The following VNN2 variants were observed in gnomAD, a reference collection of about 807,000 sequenced individuals.
The protein encoded by VNN2 is vanin 2.
In VNN2, 43 loss-of-function variants were observed where a neutral mutation model predicts 43.0. The observed-to-expected ratio is 1.00, with a 90% CI of 0.78 to 1.29. VNN2 has a LOEUF of 1.29. VNN2 is among the 50% of genes most tolerant of loss of function. The pLI, the probability that VNN2 is intolerant of heterozygous loss-of-function variation, is 0.00. For synonymous variants in VNN2, 230 were observed against 224.3 expected (o/e 1.03, Z -0.23); for missense variants, 652 against 619.7 (o/e 1.05, Z -0.55).
At chr6:132,758,019 TTCTTCTTCTTCTTCTTCTTC>T (rs1472853283), upstream of VNN2, 1,650 of 227,244 alleles carry the variant, frequency 7.3e-3, 145 homozygotes, top group East Asian at 0.012. Context: ...CTTCTTCTTC[TTCTTCTTCTTCTTCTTCTTC>T]TTTTTTTTTT....
At chr6:132,760,219 G>T (rs192203796), upstream of VNN2, among the ~76,000 whole-genome samples, 319 of 152,136 alleles carry the variant, frequency 2.1e-3, 2 homozygotes, top group African/African-American at 7.1e-3. Flanking sequence ...CTATTGCTCA[G>T]GCTGGAGTGC....
At chr6:132,760,517 A>G (rs1780714449), upstream of VNN2, 1 of 152,090 alleles carries the variant, frequency 6.6e-6, no homozygotes, top group Admixed American at 6.6e-5. Flanking sequence ...TGATCACCTT[A>G]AGAAGACCAT....
intron 3 of VNN2, chr6:132,753,820 G>A (rs1780285080): frequency 5.9e-6 from 1 of 170,876 alleles, no homozygotes; most frequent in Admixed American, 6.1e-5. Flanking sequence ...GGGTGTGGTG[G>A]TATGCACCTG....
At chr6:132,754,977 C>T (rs985121426) in intron 3 of VNN2, among the ~76,000 whole-genome samples, 11 of 152,122 alleles carry the variant, frequency 7.2e-5, no homozygotes, top group African/African-American at 2.7e-4. Context: ...AGTTCAAAGA[C>T]AGCCTGGGCA....
At chr6:132,758,549 C>T (rs1489800494), upstream of VNN2, among the ~76,000 whole-genome samples, 6 of 152,020 alleles carry the variant, frequency 3.9e-5, no homozygotes, top group East Asian at 1.9e-4. Context: ...AACTAACTCT[C>T]GTGTAAAAAA....
upstream of VNN2, among the ~76,000 whole-genome samples, chr6:132,759,452 A>AAC (rs1309571617): frequency 2.3e-3 from 323 of 138,810 alleles, 7 homozygotes; most frequent in African/African-American, 7.8e-3. Context: ...AAAAAAAAAA[A>AAC]AAAAAAAAAC....
upstream of VNN2, among the ~76,000 whole-genome samples, chr6:132,761,089 T>G (rs1195500189): frequency 6.6e-6 from 1 of 152,198 alleles, no homozygotes; most frequent in Non-Finnish European, 1.5e-5. Flanking sequence ...TTGTTTTAAA[T>G]CTTCAGAAGT....
At chr6:132,758,988 CCTT>C (rs1200029218), upstream of VNN2, among the ~76,000 whole-genome samples, 1 of 152,016 alleles carries the variant, frequency 6.6e-6, no homozygotes, top group Non-Finnish European at 1.5e-5. Flanking sequence ...TCCTTCTCCT[CCTT>C]CTTTTTCCTC....
chr6:132,757,823 C>T lies in VNN2; in HGVS notation c.61G>A (p.Gly21Ser), dbSNP rs1390892526. ...AVFALITLQV[G>S]TQDSFIAAVY... ...GCAGCTATAAAACTGTCCTGAGTAC[C>T]AACCTGCAGGGTTATTAGGGCAAAA... The change falls in exon 1 of 7, where the codon GGT becomes AGT. Residue 21 changes from glycine to serine, a missense_variant. By Grantham distance (56) the Gly-to-Ser change is moderately conservative. Transcript: ENST00000326499. 6 of 1,614,022 alleles carry T rather than the reference C, an allele frequency of 3.7e-6. No homozygotes were observed. Among genetic ancestry groups the T allele is most frequent in the Non-Finnish European group, 5.1e-6 (6 of 1,180,014 alleles).
Position 132,749,801 on chromosome 6 carries a change from GCAGTTTCT to G in VNN2, c.1257_1264del (p.Glu420PhefsTer5). On this transcript the variant is annotated frameshift_variant, in exon 6 of 7. Transcript: ENST00000326499. LOFTEE classifies it high-confidence loss of function. ...GGAGAACATTTCAAATCTTGTAGAA[GCAGTTTCT>G]ACTGGCCGTCCACAAGTTGTCAAAT... 6.2e-7 allele frequency: 1 copy of G among 1,614,066 alleles called. No individual in the cohort carries two copies. Among genetic ancestry groups the G allele is most frequent in the South Asian group, 1.1e-5 (1 of 91,080 alleles).
chr6:132,751,478 A>G lies in VNN2; in HGVS notation c.867T>C (p.His289=). 1 of 1,614,038 alleles carries G rather than the reference A, an allele frequency of 6.2e-7. No homozygotes were observed. The highest frequency in any genetic ancestry group is 8.5e-7 in the Non-Finnish European group (1 of 1,179,970). ...IYAPNGPKVY[H]YDMKTELGKL... is the part of the protein sequence containing the mutation. Reference sequence around the variant, plus strand: ...TTCCCAACTCTGTCTTCATGTCATAATGATACACTTTGGGACCATTTGGTG... The same window carrying G: ...TTCCCAACTCTGTCTTCATGTCATAGTGATACACTTTGGGACCATTTGGTG... Residue 289 remains histidine, a synonymous_variant, in exon 5 of 7, where the codon CAT becomes CAC. Coordinates refer to ENST00000326499, the MANE Select transcript of VNN2 (RefSeq NM_004665.6).
Position 132,757,708 on chromosome 6 carries a change from T to A in VNN2, c.176A>T (p.Asp59Val). 6.2e-7 allele frequency: 1 copy of A among 1,614,130 alleles called. No homozygotes were observed. The highest frequency in any genetic ancestry group is 8.5e-7 in the Non-Finnish European group (1 of 1,180,016). The change falls in exon 1 of 7, where the codon GAC (aspartate) becomes GTC (valine). Residue 59 changes from aspartate (D) to valine (V), a missense_variant. Physicochemically the swap from Asp to Val is radical, Grantham distance 152 (BLOSUM62 -3). Coordinates refer to ENST00000326499, the MANE Select transcript of VNN2 (RefSeq NM_004665.6). ...CTGCTTGATCGCTGTCTCCAGAATG[T>A]CTATATTCTCGTTCATGAGATTCAA... The part of the protein sequence containing the change: ...DALNLMNENI[D>V]ILETAIKQAA...
chr6:132,762,000 C>T (rs564978679), upstream of VNN2, among the ~76,000 whole-genome samples: 1 of 152,238 alleles, frequency 6.6e-6, no homozygotes, highest in South Asian at 2.1e-4. Flanking sequence ...ATCCTGACTG[C>T]TTAATATTAT....
chr6:132,751,001 T>A, intron 5 of VNN2, 144 bp downstream of exon 5: 1 of 954,824 alleles, frequency 1.0e-6, no homozygotes, highest in Non-Finnish European at 1.6e-6. Context: ...TGCACGTGTG[T>A]GTGTGTGTGT....
intron 6 of VNN2, among the ~76,000 whole-genome samples, chr6:132,746,886 G>A (rs983011443): frequency 1.3e-5 from 2 of 148,198 alleles, no homozygotes; most frequent in African/African-American, 5.0e-5. Flanking sequence ...ATGAACTTCA[G>A]TGAAAGTCAT....
At chr6:132,760,253 C>T (rs1780708901), upstream of VNN2, among the ~76,000 whole-genome samples, 1 of 152,134 alleles carries the variant, frequency 6.6e-6, no homozygotes, top group South Asian at 2.1e-4. Flanking sequence ...TGGCTCACTT[C>T]AGCCTCCACC....
upstream of VNN2, among the ~76,000 whole-genome samples, chr6:132,758,569 C>T (rs1040970976): frequency 1.3e-5 from 2 of 152,010 alleles, no homozygotes; most frequent in African/African-American, 2.4e-5. Flanking sequence ...AATCACATCC[C>T]AACAAATATC....
At chr6:132,750,562 G>A (rs186690623) in intron 5 of VNN2, among the ~76,000 whole-genome samples, 174 of 138,988 alleles carry the variant, frequency 1.3e-3, no homozygotes, top group African/African-American at 4.5e-3. Flanking sequence ...TACTCAGGAG[G>A]CTGAGGCATG....
At chr6:132,761,564 G>T (rs1393541113), upstream of VNN2, among the ~76,000 whole-genome samples, 1 of 152,150 alleles carries the variant, frequency 6.6e-6, no homozygotes, top group East Asian at 1.9e-4. Context: ...GGAGGCTGAG[G>T]CGGGAGAATT....
Sources: allele counts gnomAD v4.1 joint callset (sites outside exome capture counted in the v4.1 genomes callset), GRCh38; gene constraint gnomAD v4.1.1; transcripts MANE v1.5; gene names NCBI Gene and HGNC (gene_info 2026-07-23, HGNC 2026-07-21).